The following ATP6V0C variants were observed in gnomAD, a reference collection of about 807,000 sequenced individuals.
ATP6V0C encodes the protein V-type proton ATPase 16 kDa proteolipid subunit c.
Under a neutral mutation model 10.6 loss-of-function variants are expected in ATP6V0C, and 2 were observed. That is an observed-to-expected ratio of 0.19 (90% CI 0.08 to 0.59). The LOEUF is 0.59. Among genes scored for constraint, ATP6V0C ranks in the 20% least tolerant of loss-of-function variants. ATP6V0C has a pLI of 0.90. For synonymous variants in ATP6V0C, 128 were observed against 101.3 expected, an observed-to-expected ratio of 1.26 and a Z score of -1.59; for missense variants, 89 against 225.9, an observed-to-expected ratio of 0.39 and a Z score of 3.88.
At chr16:2,516,652 T>TC (rs1200707566) in intron 1 of ATP6V0C, 1 of 152,474 alleles carries the variant, frequency 6.6e-6, no homozygotes, top group East Asian at 1.9e-4. Flanking sequence ...CCCTTTTTTT[T>TC]CTCATGACAA....
rs8063977 is a variant in ATP6V0C at position 2,519,456 on chromosome 16, C to T, written c.263+55C>T. The T allele has an allele frequency of 5.7e-3, 9,021 of 1,569,636 alleles. 281 individuals carry two copies. In the African/African-American group the frequency reaches 0.081, roughly 14 times the overall value. ...GGCTGGAGGACTGCAGGGAGGGGGGCGGTTCACCTGTGGGTGGTGACCCGG... is the reference window on the plus strand; with the variant it reads ...GGCTGGAGGACTGCAGGGAGGGGGGTGGTTCACCTGTGGGTGGTGACCCGG... On this transcript the variant is annotated intron_variant, in intron 2 of 2. Transcript: ENST00000330398.
chr16:2,514,383 G>A, intron 1 of ATP6V0C: 2 of 360,162 alleles, frequency 5.6e-6, no homozygotes, highest in South Asian at 2.2e-4. Context: ...CAGGGCGTGC[G>A]GGCCTGGCCG....
chr16:2,515,068 T>C (rs982636376), intron 1 of ATP6V0C, among the ~76,000 whole-genome samples: 4 of 152,008 alleles, frequency 2.6e-5, no homozygotes, highest in Admixed American at 2.0e-4. Context: ...CCCTGAGGCC[T>C]GAAGTTGGGA....
chr16:2,519,989 G>A lies in ATP6V0C; in HGVS notation c.*244G>A. ...GGCGCCCCACCCCCTAGAGTGCTCTGTGTATGCGGATGATTTAGAATTGTC... is the reference window on the plus strand; with the variant it reads ...GGCGCCCCACCCCCTAGAGTGCTCTATGTATGCGGATGATTTAGAATTGTC... On this transcript the variant is annotated 3_prime_UTR_variant, in exon 3 of 3. Transcript: ENST00000330398. The A allele has an allele frequency of 1.4e-6, 1 of 696,208 alleles. No individual in the cohort carries two copies. Among genetic ancestry groups the A allele is most frequent in the Non-Finnish European group, 2.6e-6 (1 of 384,284 alleles). The allele number at this position is 696,208 out of a possible 1,614,324, so 43.1% of individuals were successfully genotyped here.
At chr16:2,517,488 C>T (rs893376671) in intron 1 of ATP6V0C, 1 of 152,556 alleles carries the variant, frequency 6.6e-6, no homozygotes, top group East Asian at 1.9e-4. Flanking sequence ...ACTTGGGATA[C>T]TTGTCTGTGA....
At chr16:2,519,423 C>G (rs755572416) in intron 2 of ATP6V0C, 22 bp downstream of exon 2, 8 of 1,600,384 alleles carry the variant, frequency 5.0e-6, no homozygotes, top group Middle Eastern at 1.7e-4. Context: ...GGTCAGGCCC[C>G]TGCCCAGGGC....
Position 2,514,034 on chromosome 16 carries a change from C to T in ATP6V0C, c.-70C>T, listed in dbSNP as rs1488666313. 10 of 1,427,790 alleles carry T rather than the reference C, an allele frequency of 7.0e-6. No individual in the cohort carries two copies. Among genetic ancestry groups the T allele is most frequent in the Middle Eastern group, 2.2e-4 (1 of 4,574 alleles). The allele number at this position is 1,427,790 out of a possible 1,614,324, so 88.4% of individuals were successfully genotyped here. Reference sequence around the variant, plus strand: ...CCGCCCGCCCGCAAACCTTCGTGCCCGGCCCGTCCTCGCCCCCGCCTCCGC... The same window carrying T: ...CCGCCCGCCCGCAAACCTTCGTGCCTGGCCCGTCCTCGCCCCCGCCTCCGC... On this transcript the variant is annotated 5_prime_UTR_variant, in exon 1 of 3. Coordinates refer to ENST00000330398, the MANE Select transcript of ATP6V0C (RefSeq NM_001694.4).
chr16:2,518,943 A>T, intron 1 of ATP6V0C: 1 of 444,528 alleles, frequency 2.2e-6, no homozygotes, highest in Non-Finnish European at 4.0e-6. Flanking sequence ...CAGATGGGTC[A>T]CGCCGCCCCA....
chr16:2,519,167 T>A, intron 1 of ATP6V0C, 51 bp from the exon 2 acceptor site: 1 of 1,534,818 alleles, frequency 6.5e-7, no homozygotes, highest in East Asian at 2.3e-5. Flanking sequence ...GGGGTCCTAG[T>A]CTCAACTGGC....
chr16:2,519,041 T>C (rs564215913), intron 1 of ATP6V0C, 177 bp from the exon 2 acceptor site: 1 of 658,778 alleles, frequency 1.5e-6, no homozygotes, highest in Non-Finnish European at 2.4e-6. Context: ...CTCCTTTTGC[T>C]TGCCCGTGGC....
In ATP6V0C at chr16:2,516,684, A is replaced by G. The variant is rs74945635; in HGVS notation, c.79+2502A>G. 471 of 152,202 alleles carry G rather than the reference A, an allele frequency of 3.1e-3. 1 individual carries two copies. Among genetic ancestry groups the G allele is most frequent in the Middle Eastern group, 0.027 (8 of 294 alleles). 9.4% of individuals were successfully genotyped at this position (152,202 alleles called of 1,614,324 possible). ...ACAAATGTCCTGTTCTTTCTTCATC[A>G]TGTCCTTCAAGAAGTTGTCATTTGC... is the stretch of plus-strand genomic sequence containing the variant. On this transcript the variant is annotated intron_variant, in intron 1 of 2. Coordinates refer to ENST00000330398, the MANE Select transcript of ATP6V0C (RefSeq NM_001694.4).
chr16:2,520,146 T>C lies in ATP6V0C; in HGVS notation c.*401T>C. 1 of 543,824 alleles carries C rather than the reference T, an allele frequency of 1.8e-6. No homozygotes were observed. Among genetic ancestry groups the C allele is most frequent in the South Asian group, 1.7e-5 (1 of 58,300 alleles). 33.7% of individuals were successfully genotyped at this position (543,824 alleles called of 1,614,324 possible). On this transcript the variant is annotated 3_prime_UTR_variant, in exon 3 of 3. Coordinates refer to ENST00000330398, the MANE Select transcript of ATP6V0C (RefSeq NM_001694.4). ...GTGGGTTCCTGTTGCTGAGACTTCC[T>C]GGATGGAGCCGCCCTCACCGCCGGG...
In ATP6V0C at chr16:2,514,017, C is replaced by T. The variant is rs910498878; in HGVS notation, c.-87C>T. 56 of 1,296,438 alleles carry T rather than the reference C, an allele frequency of 4.3e-5. No individual in the cohort carries two copies. Among genetic ancestry groups the T allele is most frequent in the Non-Finnish European group, 5.4e-5 (51 of 944,050 alleles). 80.3% of individuals were successfully genotyped at this position (1,296,438 alleles called of 1,614,324 possible). A position where few individuals can be genotyped will look rare whatever the true frequency, so the allele number is the denominator to read the frequency against. On this transcript the variant is annotated 5_prime_UTR_variant, in exon 1 of 3. Coordinates refer to ENST00000330398, the MANE Select transcript of ATP6V0C (RefSeq NM_001694.4). ...CCGGATCGCCTTCGCCGCCGCCCGC[C>T]CGCAAACCTTCGTGCCCGGCCCGTC... is the stretch of plus-strand genomic sequence containing the variant.
chr16:2,513,866 G>T (rs1337215666), upstream of ATP6V0C: 9 of 358,162 alleles, frequency 2.5e-5, no homozygotes, highest in East Asian at 4.1e-4. Context: ...CGGGCGTCCC[G>T]GGGACGCGTC....
rs1367391400 is a variant in ATP6V0C at position 2,519,484 on chromosome 16, C to A, written c.264-57C>A. 5 of 1,548,064 alleles carry A rather than the reference C, an allele frequency of 3.2e-6. No individual in the cohort carries two copies. The Admixed American group carries it at 5.6e-5, about 17-fold the overall frequency. ...TTCACCTGTGGGTGGTGACCCGGAC[C>A]CTTGTCTCCCCCTGGTTGGCAGGCT... On this transcript the variant is annotated intron_variant, in intron 2 of 2. Coordinates refer to ENST00000330398, the MANE Select transcript of ATP6V0C (RefSeq NM_001694.4).
At chr16:2,518,344 G>C (rs2065887022) in intron 1 of ATP6V0C, among the ~76,000 whole-genome samples, 1 of 152,256 alleles carries the variant, frequency 6.6e-6, no homozygotes, top group Admixed American at 6.5e-5. Context: ...AGCTCTGGAG[G>C]AGACAGGCCA....
At chr16:2,514,299 G>A in intron 1 of ATP6V0C, 117 bp downstream of exon 1, 1 of 1,166,098 alleles carries the variant, frequency 8.6e-7, no homozygotes, top group Non-Finnish European at 1.1e-6. Context: ...TGTCGGGGGC[G>A]CCCGGGCCTC....
chr16:2,513,998 C>G lies in ATP6V0C; in HGVS notation c.-106C>G. The G allele has an allele frequency of 9.9e-7, 1 of 1,009,546 alleles. No individual in the cohort carries two copies. Among genetic ancestry groups the G allele is most frequent in the Non-Finnish European group, 1.4e-6 (1 of 698,066 alleles). 62.5% of individuals were successfully genotyped at this position (1,009,546 alleles called of 1,614,324 possible). On this transcript the variant is annotated 5_prime_UTR_variant, in exon 1 of 3. In the 5' UTR this introduces an upstream ATG that the reference lacks. Coordinates refer to ENST00000330398, the MANE Select transcript of ATP6V0C (RefSeq NM_001694.4). ...GAGCGCAGCGGCTGACGGGCCGGATCGCCTTCGCCGCCGCCCGCCCGCAAA... is the reference window on the plus strand; with the variant it reads ...GAGCGCAGCGGCTGACGGGCCGGATGGCCTTCGCCGCCGCCCGCCCGCAAA...
At chr16:2,517,713 TTGTGTGTG>T (rs142726423) in intron 1 of ATP6V0C, 4,699 of 141,602 alleles carry the variant, frequency 0.033, 76 homozygotes, top group South Asian at 0.046. Flanking sequence ...GTCAGGCTGT[TTGTGTGTG>T]TGTGTGTGTG....
Sources: gnomAD v4.1 joint callset for allele counts (sites outside exome capture counted in the v4.1 genomes callset) on GRCh38, gnomAD v4.1.1 for gene constraint, MANE v1.5 for transcripts, NCBI Gene and HGNC (gene_info 2026-07-23, HGNC 2026-07-21) for gene names.